The following TDRD12 variants were observed in gnomAD, a reference collection of about 807,000 sequenced individuals.
TDRD12 encodes the protein putative ATP-dependent RNA helicase TDRD12.
TDRD12 carries 158 observed loss-of-function variants against 133.5 expected under a neutral mutation model. The ratio of observed to expected loss-of-function variants is 1.18; its 90% confidence interval spans 1.04 to 1.35. The LOEUF is 1.35. Among genes scored for constraint, TDRD12 ranks in the 40% most tolerant of loss-of-function variants. TDRD12 has a pLI of 0.00. For synonymous variants in TDRD12, 460 were observed against 477.9 expected (o/e 0.96, Z 0.49); for missense variants, 1,443 against 1,321.3 (o/e 1.09, Z -1.43).
At chr19:32,740,780 A>C (rs759761176) in intron 3 of TDRD12, among the ~76,000 whole-genome samples, 6 of 152,192 alleles carry the variant, frequency 3.9e-5, no homozygotes, top group African/African-American at 1.2e-4. Context: ...GTACTCATGT[A>C]GGTATCCCTG....
intron 8 of TDRD12, among the ~76,000 whole-genome samples, chr19:32,765,288 G>T (rs1001067642): frequency 1.3e-5 from 2 of 152,282 alleles, no homozygotes; most frequent in South Asian, 4.2e-4. Flanking sequence ...TACACTGTTG[G>T]TGGGACTGTA....
intron 8 of TDRD12, among the ~76,000 whole-genome samples, chr19:32,764,972 T>A (rs1217351493): frequency 6.6e-6 from 1 of 151,740 alleles, no homozygotes; most frequent in East Asian, 1.9e-4. Flanking sequence ...TGGGAGAAAA[T>A]TTTTGCAATC....
At chr19:32,765,587 A>G (rs1250698774) in intron 8 of TDRD12, among the ~76,000 whole-genome samples, 3 of 152,200 alleles carry the variant, frequency 2.0e-5, no homozygotes, top group South Asian at 4.1e-4. Flanking sequence ...GGTGCTTTGT[A>G]GGGACATGGA....
At chr19:32,729,794 T>TG (rs1456582767) in intron 1 of TDRD12, among the ~76,000 whole-genome samples, 3 of 125,798 alleles carry the variant, frequency 2.4e-5, no homozygotes, top group Non-Finnish European at 4.9e-5. Context: ...TTTTTTTTTT[T>TG]TTTTTTTTTT....
chr19:32,738,353 C>A (rs993215414), intron 2 of TDRD12, among the ~76,000 whole-genome samples: 1 of 152,206 alleles, frequency 6.6e-6, no homozygotes. Context: ...AGTACTCAGA[C>A]GGCCTGTGTT....
At chr19:32,801,703 G>T in intron 18 of TDRD12, 53 bp from the exon 19 acceptor site, 1 of 606,210 alleles carries the variant, frequency 1.6e-6, no homozygotes. Context: ...GGAACGGTTG[G>T]CTTCCAGCCT....
At chr19:32,729,818 T>G (rs1302864328) in intron 1 of TDRD12, among the ~76,000 whole-genome samples, 1 of 127,452 alleles carries the variant, frequency 7.8e-6, no homozygotes, top group East Asian at 2.7e-4. Context: ...TGAGATGGAG[T>G]CTTGCTCTGT....
chr19:32,811,472 C>T (rs537464736), intron 24 of TDRD12, 52 bp downstream of exon 24: 60 of 1,433,744 alleles, frequency 4.2e-5, no homozygotes, highest in South Asian at 3.0e-4. Flanking sequence ...TATATTTAAC[C>T]GAGAATATAC....
exon 11 of TDRD12, chr19:32,777,179 T>C (rs887746660): frequency 6.5e-7 from 1 of 1,540,984 alleles, no homozygotes; most frequent in Non-Finnish European, 8.7e-7. Context: ...ATGAGAAACC[T>C]CTTAGATTGA....
chr19:32,825,750 G>A (rs1186200697), downstream of TDRD12, among the ~76,000 whole-genome samples: 2 of 152,068 alleles, frequency 1.3e-5, no homozygotes, highest in African/African-American at 2.4e-5. The surrounding 1 kb of genome is among the most constrained non-coding windows in gnomAD (Gnocchi z 4.1). Context: ...GTGTGGTGGC[G>A]CATGCTTGTA....
chr19:32,791,694 G>T (rs1249633340), intron 13 of TDRD12, among the ~76,000 whole-genome samples: 1 of 152,072 alleles, frequency 6.6e-6, no homozygotes, highest in Non-Finnish European at 1.5e-5. Flanking sequence ...CAGCCAGCTT[G>T]TATTGTTCTC....
intron 3 of TDRD12, among the ~76,000 whole-genome samples, chr19:32,741,269 A>G (rs1299550949): frequency 4.6e-5 from 7 of 152,140 alleles, no homozygotes; most frequent in African/African-American, 1.7e-4. Context: ...TTTAGTAGAG[A>G]CAGGGTTTTG....
chr19:32,745,665 G>A (rs1256956289), intron 4 of TDRD12, among the ~76,000 whole-genome samples: 1 of 141,216 alleles, frequency 7.1e-6, no homozygotes, highest in African/African-American at 2.8e-5. Flanking sequence ...GTTATTCTGT[G>A]TGTGTGAGAG....
chr19:32,787,636 A>G (rs1970946396), intron 11 of TDRD12, among the ~76,000 whole-genome samples: 1 of 151,944 alleles, frequency 6.6e-6, no homozygotes, highest in African/African-American at 2.4e-5. Context: ...CGCCTACTCA[A>G]CCTCAGCAAT....
At chr19:32,756,419 G>A (rs1417296095) in intron 7 of TDRD12, among the ~76,000 whole-genome samples, 16 of 151,706 alleles carry the variant, frequency 1.1e-4, no homozygotes, top group African/African-American at 3.6e-4. Flanking sequence ...ACGGAGTCTC[G>A]GTCTGTAACC....
chr19:32,797,127 C>T (rs530391605), intron 14 of TDRD12, among the ~76,000 whole-genome samples: 38 of 152,036 alleles, frequency 2.5e-4, no homozygotes, highest in African/African-American at 9.2e-4. Flanking sequence ...ACTACAGGCA[C>T]ACACTACCAC....
intron 8 of TDRD12, among the ~76,000 whole-genome samples, chr19:32,762,835 T>C (rs1288861986): frequency 6.6e-6 from 1 of 152,238 alleles, no homozygotes; most frequent in Non-Finnish European, 1.5e-5. Context: ...GTGATTTTGG[T>C]GTGCAAACAT....
chr19:32,814,517 G>A (rs1304695529), intron 25 of TDRD12, among the ~76,000 whole-genome samples: 1 of 152,204 alleles, frequency 6.6e-6, no homozygotes, highest in African/African-American at 2.4e-5. Flanking sequence ...GTTTTCAGAA[G>A]AGAAAATATG....
At chr19:32,825,128 C>CG (rs1204918628), downstream of TDRD12, among the ~76,000 whole-genome samples, 1 of 152,184 alleles carries the variant, frequency 6.6e-6, no homozygotes, top group Non-Finnish European at 1.5e-5. The surrounding 1 kb of genome is among the most constrained non-coding windows in gnomAD (Gnocchi z 4.1). Context: ...CTCCAAGGTT[C>CG]TTGACGTCAC....
Sources: allele counts gnomAD v4.1 joint callset (sites outside exome capture counted in the v4.1 genomes callset), GRCh38; gene constraint gnomAD v4.1.1; non-coding constraint Gnocchi (gnomAD v3.1); transcripts MANE v1.5; gene names NCBI Gene and HGNC (gene_info 2026-07-23, HGNC 2026-07-21).